TSSK2: variants seen among roughly 807,000 people sequenced by gnomAD.
TSSK2 encodes testis specific serine kinase 2, also known as testis-specific serine/threonine-protein kinase 2.
TSSK2 carries 5 observed loss-of-function variants against 14.2 expected under a neutral mutation model. The observed-to-expected ratio is 0.35, with a 90% CI of 0.18 to 0.74. The LOEUF is 0.74. TSSK2 is among the 30% of genes least tolerant of loss of function. The probability of loss-of-function intolerance (pLI) is 0.56; values close to 1 mark genes in which losing one functional copy is unlikely to be tolerated. For synonymous variants in TSSK2, 209 were observed against 201.9 expected (o/e 1.04, Z -0.30); for missense variants, 439 against 491.1 (o/e 0.89, Z 1.00).
chr22:19,132,389 GA>G lies in TSSK2; in HGVS notation c.992del (p.Asn331ThrfsTer54). The G allele has an allele frequency of 6.2e-7, 1 of 1,613,196 alleles. No individual in the cohort carries two copies. The highest frequency in any genetic ancestry group is 1.1e-5 in the South Asian group (1 of 91,074). On this transcript the variant is annotated frameshift_variant, in exon 1 of 1. Coordinates refer to ENST00000399635, the MANE Select transcript of TSSK2 (RefSeq NM_053006.5). LOFTEE classifies it high-confidence loss of function. This position sits in a 1 kb window ranked among gnomAD's most constrained non-coding sequence, Gnocchi z 4.2. Reference sequence around the variant, plus strand: ...GGCTGCTGGTGGTGCCCGAGAACGAGAACAGGATGGAGGACAGGCTGGCCGA... The same window carrying G: ...GGCTGCTGGTGGTGCCCGAGAACGAGACAGGATGGAGGACAGGCTGGCCGA... The part of the protein sequence containing the change: ...HRLLVVPENE[N>X]RMEDRLAETS...
rs754269796 is a variant in TSSK2, at chr22:19,132,128, C to T, written c.729C>T (p.Cys243=). The change falls in exon 1 of 1, where the codon TGC becomes TGT. Residue 243 remains cysteine, a synonymous_variant. Coordinates refer to ENST00000399635, the MANE Select transcript of TSSK2 (RefSeq NM_053006.5). This position sits in a 1 kb window ranked among gnomAD's most constrained non-coding sequence, Gnocchi z 4.2. ...TCCCGCGCTCCAAGAACCTGACCTG[C>T]GAGTGCAAGGACCTCATCTACCGCA... ...VDFPRSKNLT[C]ECKDLIYRML... The T allele has an allele frequency of 1.2e-6, 2 of 1,612,330 alleles. No individual in the cohort carries two copies. Among genetic ancestry groups the T allele is most frequent in the Non-Finnish European group, 1.7e-6 (2 of 1,178,684 alleles).
Position 19,131,514 on chromosome 22 carries a change from G to A in TSSK2, c.115G>A (p.Ala39Thr). The A allele has an allele frequency of 6.2e-7, 1 of 1,614,154 alleles. No homozygotes were observed. The highest frequency in any genetic ancestry group is 8.5e-7 in the Non-Finnish European group (1 of 1,180,022). ...AYSERLKFNV[A>T]VKIIDRKKTP... Reference sequence around the variant, plus strand: ...CTCTGAGCGCCTCAAGTTCAATGTGGCTGTCAAGATCATCGACCGCAAGAA... The same window carrying A: ...CTCTGAGCGCCTCAAGTTCAATGTGACTGTCAAGATCATCGACCGCAAGAA... The change falls in exon 1 of 1, where the codon GCT becomes ACT. Residue 39 changes from alanine (A) to threonine (T), a missense_variant. Physicochemically the swap from Ala to Thr is moderately conservative, Grantham distance 58 (BLOSUM62 0). Transcript: ENST00000399635. The surrounding 1 kb of genome is among the most constrained non-coding windows in gnomAD (Gnocchi z 5.7).
rs2083518175 is a variant in TSSK2, at chr22:19,132,349, C to G, written c.950C>G (p.Ala317Gly). The G allele has an allele frequency of 1.2e-6, 2 of 1,612,998 alleles. No homozygotes were observed. The highest frequency in any genetic ancestry group is 1.3e-5 in the African/African-American group (1 of 74,890). Residue 317 changes from alanine (A) to glycine (G), a missense_variant, in exon 1 of 1, where the codon GCC (alanine) becomes GGC (glycine). Coordinates refer to ENST00000399635, the MANE Select transcript of TSSK2 (RefSeq NM_053006.5). This position sits in a 1 kb window ranked among gnomAD's most constrained non-coding sequence, Gnocchi z 4.2. Reference sequence around the variant, plus strand: ...CACCGGCCCGACCACAAGCTTGGAGCCAAAACCCAGCACCGGCTGCTGGTG... The same window carrying G: ...CACCGGCCCGACCACAAGCTTGGAGGCAAAACCCAGCACCGGCTGCTGGTG... ...PDHRPDHKLG[A>G]KTQHRLLVVP... is the part of the protein sequence containing the mutation.
In TSSK2 at chr22:19,132,392, C is replaced by T. The variant is rs1033214507; in HGVS notation, c.993C>T (p.Asn331=). The part of the protein sequence containing the change: ...HRLLVVPENE[N]RMEDRLAETS... ...TGCTGGTGGTGCCCGAGAACGAGAA[C>T]AGGATGGAGGACAGGCTGGCCGAGA... Residue 331 remains asparagine (N), a synonymous_variant, in exon 1 of 1, where the codon AAC becomes AAT. Coordinates refer to ENST00000399635, the MANE Select transcript of TSSK2 (RefSeq NM_053006.5). This position sits in a 1 kb window ranked among gnomAD's most constrained non-coding sequence, Gnocchi z 4.2. The T allele has an allele frequency of 1.9e-6, 3 of 1,613,158 alleles. No homozygotes were observed. The highest frequency in any genetic ancestry group is 4.5e-5 in the East Asian group (2 of 44,854).
chr22:19,132,371 G>C lies in TSSK2; in HGVS notation c.972G>C (p.Leu324=), dbSNP rs143749090. The change falls in exon 1 of 1, where the codon CTG becomes CTC. Residue 324 remains leucine, a synonymous_variant. Transcript: ENST00000399635. This position sits in a 1 kb window ranked among gnomAD's most constrained non-coding sequence, Gnocchi z 4.2. The part of the protein sequence containing the change: ...KLGAKTQHRL[L]VVPENENRME... ...GAGCCAAAACCCAGCACCGGCTGCT[G>C]GTGGTGCCCGAGAACGAGAACAGGA... The C allele has an allele frequency of 6.8e-5, 109 of 1,613,054 alleles. No individual in the cohort carries two copies. The highest frequency in any genetic ancestry group is 8.6e-5 in the Non-Finnish European group (102 of 1,180,018).
rs754269796 is a variant in TSSK2, at chr22:19,132,128, C to A, written c.729C>A (p.Cys243Ter). The A allele has an allele frequency of 6.2e-7, 1 of 1,612,330 alleles. No homozygotes were observed. Among genetic ancestry groups the A allele is most frequent in the African/African-American group, 1.3e-5 (1 of 74,870 alleles). Reference sequence around the variant, plus strand: ...TCCCGCGCTCCAAGAACCTGACCTGCGAGTGCAAGGACCTCATCTACCGCA... The same window carrying A: ...TCCCGCGCTCCAAGAACCTGACCTGAGAGTGCAAGGACCTCATCTACCGCA... ...VDFPRSKNLT[C>*]ECKDLIYRML... Residue 243 changes from cysteine (C) to a stop codon, truncating the protein, a stop_gained, in exon 1 of 1, where the codon TGC becomes TGA. Coordinates refer to ENST00000399635, the MANE Select transcript of TSSK2 (RefSeq NM_053006.5). LOFTEE classifies it high-confidence loss of function. The surrounding 1 kb of genome is among the most constrained non-coding windows in gnomAD (Gnocchi z 4.2).
rs772497881 is a variant in TSSK2 at position 19,132,522 on chromosome 22, G to A, written c.*46G>A. 2 of 1,544,054 alleles carry A rather than the reference G, an allele frequency of 1.3e-6. No homozygotes were observed. Among genetic ancestry groups the A allele is most frequent in the Non-Finnish European group, 1.8e-6 (2 of 1,138,902 alleles). On this transcript the variant is annotated 3_prime_UTR_variant, in exon 1 of 1. Coordinates refer to ENST00000399635, the MANE Select transcript of TSSK2 (RefSeq NM_053006.5). This position sits in a 1 kb window ranked among gnomAD's most constrained non-coding sequence, Gnocchi z 4.2. Reference sequence around the variant, plus strand: ...GTGTGGTGGGGGTCGGGGTTGGGGGGCATGGTGCAGTCGGCCTTCACGTAA... The same window carrying A: ...GTGTGGTGGGGGTCGGGGTTGGGGGACATGGTGCAGTCGGCCTTCACGTAA...
In TSSK2 at chr22:19,131,561, G is replaced by C; in HGVS notation, c.162G>C (p.Glu54Asp). The change falls in exon 1 of 1, where the codon GAG (glutamate) becomes GAC (aspartate). Residue 54 changes from glutamate to aspartate, a missense_variant. Transcript: ENST00000399635. The surrounding 1 kb of genome is among the most constrained non-coding windows in gnomAD (Gnocchi z 5.7). ...AGAAAACACCTACTGACTTTGTGGAGAGATTCCTTCCTCGGGAGATGGACA... is the reference window on the plus strand; with the variant it reads ...AGAAAACACCTACTGACTTTGTGGACAGATTCCTTCCTCGGGAGATGGACA... Reference protein sequence around the residue: ...DRKKTPTDFVERFLPREMDIL... With the variant: ...DRKKTPTDFVDRFLPREMDIL... 6.2e-7 allele frequency: 1 copy of C among 1,614,164 alleles called. No homozygotes were observed. The highest frequency in any genetic ancestry group is 8.5e-7 in the Non-Finnish European group (1 of 1,180,038).
chr22:19,132,057 G>A lies in TSSK2; in HGVS notation c.658G>A (p.Asp220Asn), dbSNP rs140510864. Residue 220 changes from aspartate to asparagine, a missense_variant, in exon 1 of 1, where the codon GAC becomes AAC. By Grantham distance (23) the Asp-to-Asn change is conservative. Coordinates refer to ENST00000399635, the MANE Select transcript of TSSK2 (RefSeq NM_053006.5). The surrounding 1 kb of genome is among the most constrained non-coding windows in gnomAD (Gnocchi z 4.2). Reference sequence around the variant, plus strand: ...CGGCTCCATGCCCTATGACGACTCCGACATCAGGAAGATGCTGCGTATCCA... The same window carrying A: ...CGGCTCCATGCCCTATGACGACTCCAACATCAGGAAGATGCTGCGTATCCA... ...VCGSMPYDDS[D>N]IRKMLRIQKE... The A allele has an allele frequency of 3.2e-5, 52 of 1,613,894 alleles. No individual in the cohort carries two copies. Among genetic ancestry groups the A allele is most frequent in the African/African-American group, 8.0e-5 (6 of 74,898 alleles).
Position 19,132,561 on chromosome 22 carries a change from GT to G in TSSK2, c.*86del. 1.5e-6 allele frequency: 2 copies of G among 1,374,426 alleles called. No individual in the cohort carries two copies. Among genetic ancestry groups the G allele is most frequent in the East Asian group, 2.3e-5 (1 of 43,254 alleles). 85.1% of individuals were successfully genotyped at this position (1,374,426 alleles called of 1,614,324 possible). On this transcript the variant is annotated 3_prime_UTR_variant, in exon 1 of 1. Coordinates refer to ENST00000399635, the MANE Select transcript of TSSK2 (RefSeq NM_053006.5). The surrounding 1 kb of genome is among the most constrained non-coding windows in gnomAD (Gnocchi z 4.2). ...GCCTTCACGTAAACTAAGTAGGCAG[GT>G]AGGATCTGAAGAAGGCACAGGTGCA...
At position 19,131,805 on chromosome 22, in the gene TSSK2, G is replaced by A. The variant is rs763012596; in HGVS notation, c.406G>A (p.Asp136Asn). The change falls in exon 1 of 1, where the codon GAC becomes AAC. Residue 136 changes from aspartate to asparagine, a missense_variant. Transcript: ENST00000399635. This position sits in a 1 kb window ranked among gnomAD's most constrained non-coding sequence, Gnocchi z 5.7. ...YCHDLDIVHR[D>N]LKCENLLLDK... ...CCACGACCTGGACATCGTCCACCGGGACCTCAAGTGCGAGAACCTTCTCCT... is the reference window on the plus strand; with the variant it reads ...CCACGACCTGGACATCGTCCACCGGAACCTCAAGTGCGAGAACCTTCTCCT... 1.2e-6 allele frequency: 2 copies of A among 1,614,036 alleles called. No homozygotes were observed. The highest frequency in any genetic ancestry group is 1.7e-6 in the Non-Finnish European group (2 of 1,180,036).
At position 19,131,322 on chromosome 22, in the gene TSSK2, G is replaced by A. The variant is rs529526846; in HGVS notation, c.-78G>A. The A allele has an allele frequency of 1.1e-5, 14 of 1,331,876 alleles. 1 individual carries two copies. In the South Asian group the frequency reaches 1.5e-4, roughly 15 times the overall value. The allele number at this position is 1,331,876 out of a possible 1,614,324, so 82.5% of individuals were successfully genotyped here. On this transcript the variant is annotated 5_prime_UTR_variant, in exon 1 of 1. It adds an upstream start codon to the 5' untranslated region. Coordinates refer to ENST00000399635, the MANE Select transcript of TSSK2 (RefSeq NM_053006.5). This position sits in a 1 kb window ranked among gnomAD's most constrained non-coding sequence, Gnocchi z 5.7. ...GCAGCCCAGCCAGACGCCTCCGGTA[G>A]TGTAAATGAGGACAATGCCTGCTGG...
chr22:19,132,534 C>A lies in TSSK2; in HGVS notation c.*58C>A. The A allele has an allele frequency of 1.3e-6, 2 of 1,510,324 alleles. No individual in the cohort carries two copies. The highest frequency in any genetic ancestry group is 1.8e-4 in the Middle Eastern group (1 of 5,650). The allele number at this position is 1,510,324 out of a possible 1,614,324, so 93.6% of individuals were successfully genotyped here. ...TCGGGGTTGGGGGGCATGGTGCAGT[C>A]GGCCTTCACGTAAACTAAGTAGGCA... On this transcript the variant is annotated 3_prime_UTR_variant, in exon 1 of 1. Transcript: ENST00000399635. The surrounding 1 kb of genome is among the most constrained non-coding windows in gnomAD (Gnocchi z 4.2).
rs2083512823 is a variant in TSSK2, at chr22:19,131,989, AT to A, written c.591del (p.Tyr197Ter). 6.2e-7 allele frequency: 1 copy of A among 1,614,192 alleles called. No homozygotes were observed. The highest frequency in any genetic ancestry group is 8.5e-7 in the Non-Finnish European group (1 of 1,180,032). ...AGCATCCCCTACCAGCCCAAGGTGTATGACATCTGGAGCCTGGGCGTGATCC... is the reference window on the plus strand; with the variant it reads ...AGCATCCCCTACCAGCCCAAGGTGTAGACATCTGGAGCCTGGGCGTGATCC... Reference protein sequence around the residue: ...LQSIPYQPKVYDIWSLGVILY... With the variant: ...LQSIPYQPKVXDIWSLGVILY... On this transcript the variant is annotated frameshift_variant, in exon 1 of 1. Coordinates refer to ENST00000399635, the MANE Select transcript of TSSK2 (RefSeq NM_053006.5). LOFTEE classifies it high-confidence loss of function. The surrounding 1 kb of genome is among the most constrained non-coding windows in gnomAD (Gnocchi z 5.7).
In TSSK2 at chr22:19,132,060, A is replaced by T. The variant is rs1350151575; in HGVS notation, c.661A>T (p.Ile221Phe). 1.9e-6 allele frequency: 3 copies of T among 1,614,072 alleles called. No individual in the cohort carries two copies. The Admixed American group carries it at 5.0e-5, about 27-fold the overall frequency. ...CGSMPYDDSD[I>F]RKMLRIQKEH... ...CTCCATGCCCTATGACGACTCCGACATCAGGAAGATGCTGCGTATCCAGAA... is the reference window on the plus strand; with the variant it reads ...CTCCATGCCCTATGACGACTCCGACTTCAGGAAGATGCTGCGTATCCAGAA... Residue 221 changes from isoleucine (I) to phenylalanine (F), a missense_variant, in exon 1 of 1, where the codon ATC becomes TTC. Ile to Phe is a conservative substitution (Grantham distance 21). Transcript: ENST00000399635. The surrounding 1 kb of genome is among the most constrained non-coding windows in gnomAD (Gnocchi z 4.2).
Position 19,131,323 on chromosome 22 carries a change from T to C in TSSK2, c.-77T>C, listed in dbSNP as rs1202871275. The C allele has an allele frequency of 1.4e-5, 19 of 1,336,462 alleles. No individual in the cohort carries two copies. In the Admixed American group the frequency reaches 3.6e-4, roughly 25 times the overall value. The allele number at this position is 1,336,462 out of a possible 1,614,324, so 82.8% of individuals were successfully genotyped here. ...CAGCCCAGCCAGACGCCTCCGGTAG[T>C]GTAAATGAGGACAATGCCTGCTGGC... On this transcript the variant is annotated 5_prime_UTR_variant, in exon 1 of 1. Coordinates refer to ENST00000399635, the MANE Select transcript of TSSK2 (RefSeq NM_053006.5). This position sits in a 1 kb window ranked among gnomAD's most constrained non-coding sequence, Gnocchi z 5.7.
At position 19,132,417 on chromosome 22, in the gene TSSK2, A is replaced by C; in HGVS notation, c.1018A>C (p.Thr340Pro). Residue 340 changes from threonine to proline, a missense_variant, in exon 1 of 1, where the codon ACC (threonine) becomes CCC (proline). Transcript: ENST00000399635. The surrounding 1 kb of genome is among the most constrained non-coding windows in gnomAD (Gnocchi z 4.2). ...CAGGATGGAGGACAGGCTGGCCGAG[A>C]CCTCCAGGGCCAAAGACCATCACAT... ...ENRMEDRLAE[T>P]SRAKDHHISG... is the part of the protein sequence containing the mutation. The C allele has an allele frequency of 1.1e-5, 17 of 1,612,518 alleles. No homozygotes were observed. The highest frequency in any genetic ancestry group is 1.4e-5 in the Non-Finnish European group (16 of 1,179,926).
Position 19,132,030 on chromosome 22 carries a change from T to G in TSSK2, c.631T>G (p.Cys211Gly), listed in dbSNP as rs1569102880. Reference protein sequence around the residue: ...SLGVILYIMVCGSMPYDDSDI... With the variant: ...SLGVILYIMVGGSMPYDDSDI... The stretch of plus-strand genomic sequence containing the variant: ...GGGCGTGATCCTGTACATCATGGTC[T>G]GCGGCTCCATGCCCTATGACGACTC... The change falls in exon 1 of 1, where the codon TGC (cysteine) becomes GGC (glycine). Residue 211 changes from cysteine (C) to glycine (G), a missense_variant. Transcript: ENST00000399635. This position sits in a 1 kb window ranked among gnomAD's most constrained non-coding sequence, Gnocchi z 4.2. The G allele has an allele frequency of 6.2e-7, 1 of 1,614,132 alleles. No homozygotes were observed. Among genetic ancestry groups the G allele is most frequent in the East Asian group, 2.2e-5 (1 of 44,874 alleles).
chr22:19,131,971 C>T lies in TSSK2; in HGVS notation c.572C>T (p.Pro191Leu). ...YAAPEVLQSI[P>L]YQPKVYDIWS... ...GCCCCCGAGGTGCTGCAGAGCATCC[C>T]CTACCAGCCCAAGGTGTATGACATC... Residue 191 changes from proline to leucine, a missense_variant, in exon 1 of 1, where the codon CCC becomes CTC. Transcript: ENST00000399635. This position sits in a 1 kb window ranked among gnomAD's most constrained non-coding sequence, Gnocchi z 5.7. The T allele has an allele frequency of 6.2e-7, 1 of 1,614,178 alleles. No individual in the cohort carries two copies. Among genetic ancestry groups the T allele is most frequent in the Non-Finnish European group, 8.5e-7 (1 of 1,180,032 alleles).
Sources: allele counts gnomAD v4.1 joint callset, GRCh38; gene constraint gnomAD v4.1.1; non-coding constraint Gnocchi (gnomAD v3.1); transcripts MANE v1.5; gene names NCBI Gene and HGNC (gene_info 2026-07-23, HGNC 2026-07-21).